Variants in ONECUT2 observed in about 807,000 individuals in gnomAD.
The protein encoded by ONECUT2 is one cut homeobox 2, also known as one cut domain family member 2.
Under a neutral mutation model 27.9 loss-of-function variants are expected in ONECUT2, and 10 were observed. The ratio of observed to expected loss-of-function variants is 0.36; its 90% CI spans 0.22 to 0.61. The LOEUF (loss-of-function observed/expected upper bound fraction) is 0.61, where lower values mean the gene tolerates loss of function less well. Ranked by LOEUF, ONECUT2 falls within the 20% of genes least tolerant of loss-of-function variation. The probability of loss-of-function intolerance (pLI) is 0.73; values close to 1 mark genes in which losing one functional copy is unlikely to be tolerated. For synonymous variants in ONECUT2, 334 were observed against 315.1 expected, an observed-to-expected ratio of 1.06 and a Z score of -0.64; for missense variants, 686 against 721.0, an observed-to-expected ratio of 0.95 and a Z score of 0.56.
chr18:57,440,027 G>A (rs1052280420), intron 1 of ONECUT2, among the ~76,000 whole-genome samples: 1 of 152,248 alleles, frequency 6.6e-6, no homozygotes, highest in Non-Finnish European at 1.5e-5. Flanking sequence ...GCCAAGGGTG[G>A]CACTTGAAAG....
intron 1 of ONECUT2, among the ~76,000 whole-genome samples, chr18:57,470,308 C>G (rs1464472125): frequency 6.6e-6 from 1 of 152,162 alleles, no homozygotes. Flanking sequence ...TTGAGTTGCT[C>G]TTACTTCACA....
intron 1 of ONECUT2, among the ~76,000 whole-genome samples, chr18:57,438,485 C>A (rs141482891): frequency 3.8e-4 from 58 of 152,332 alleles, no homozygotes; most frequent in African/African-American, 1.3e-3. Context: ...TTCCTCGCAC[C>A]GCTGAGCCCA....
intron 1 of ONECUT2, among the ~76,000 whole-genome samples, chr18:57,440,798 C>A (rs1292784086): frequency 6.6e-6 from 1 of 152,228 alleles, no homozygotes; most frequent in African/African-American, 2.4e-5. Context: ...CGCGCCCACC[C>A]CCCAACCTCC....
In ONECUT2 at chr18:57,487,875, T is replaced by C. The variant is rs1401700003; in HGVS notation, c.*11152T>C. 1.3e-5 allele frequency: 2 copies of C among 152,224 alleles called. No individual in the cohort carries two copies. Among genetic ancestry groups the C allele is most frequent in the Admixed American group, 6.5e-5 (1 of 15,282 alleles). The allele number at this position is 152,224 out of a possible 1,614,324, so 9.4% of individuals were successfully genotyped here. Reference sequence around the variant, plus strand: ...TGCAGGGGATTGGGCAAACTTGTTCTTTCTTATACTTGGGTTCAAAGACCC... The same window carrying C: ...TGCAGGGGATTGGGCAAACTTGTTCCTTCTTATACTTGGGTTCAAAGACCC... On this transcript the variant is annotated 3_prime_UTR_variant, in exon 2 of 2. Transcript: ENST00000491143.
chr18:57,459,176 G>C (rs1381611323), intron 1 of ONECUT2, among the ~76,000 whole-genome samples: 1 of 152,186 alleles, frequency 6.6e-6, no homozygotes, highest in Non-Finnish European at 1.5e-5. Flanking sequence ...TCTATATGTT[G>C]CCTTCAGGAA....
intron 1 of ONECUT2, among the ~76,000 whole-genome samples, chr18:57,474,674 C>T (rs935951856): frequency 6.6e-6 from 1 of 152,154 alleles, no homozygotes; most frequent in Non-Finnish European, 1.5e-5. Flanking sequence ...GTACCATCAC[C>T]TTGGATGTTA....
chr18:57,437,954 G>A (rs2050152367), intron 1 of ONECUT2, among the ~76,000 whole-genome samples: 1 of 152,264 alleles, frequency 6.6e-6, no homozygotes, highest in African/African-American at 2.4e-5. Context: ...AGGACTGGCG[G>A]CCCGCGGGAG....
At chr18:57,440,083 G>T (rs2050166119) in intron 1 of ONECUT2, among the ~76,000 whole-genome samples, 1 of 152,252 alleles carries the variant, frequency 6.6e-6, no homozygotes, top group Non-Finnish European at 1.5e-5. Flanking sequence ...CCCAACGTTA[G>T]ATTTCAGAGA....
intron 1 of ONECUT2, among the ~76,000 whole-genome samples, chr18:57,470,272 G>A (rs642769): frequency 0.65 from 98,138 of 151,908 alleles, 33,487 homozygotes; most frequent in Middle Eastern, 0.8. Context: ...CTGGGGCAGC[G>A]AGGACTGGAA....
At chr18:57,471,124 C>T (rs541003349) in intron 1 of ONECUT2, among the ~76,000 whole-genome samples, 1 of 152,338 alleles carries the variant, frequency 6.6e-6, no homozygotes, top group East Asian at 1.9e-4. Flanking sequence ...CAATCCCTCA[C>T]CCTGTCCCGC....
At chr18:57,441,972 T>G (rs1174847444) in intron 1 of ONECUT2, among the ~76,000 whole-genome samples, 1 of 139,612 alleles carries the variant, frequency 7.2e-6, no homozygotes, top group African/African-American at 2.7e-5. Flanking sequence ...GCCCCACCCC[T>G]TCCCACCCCC....
intron 1 of ONECUT2, among the ~76,000 whole-genome samples, chr18:57,474,651 G>A (rs568079432): frequency 3.9e-5 from 6 of 152,080 alleles, no homozygotes; most frequent in Non-Finnish European, 5.9e-5. Flanking sequence ...CCTCCCAAAG[G>A]CCCCACCTCT....
At position 57,436,690 on chromosome 18, in the gene ONECUT2, C is replaced by G; in HGVS notation, c.974C>G (p.Ala325Gly). The G allele has an allele frequency of 6.2e-7, 1 of 1,613,416 alleles. No homozygotes were observed. Among genetic ancestry groups the G allele is most frequent in the Non-Finnish European group, 8.5e-7 (1 of 1,179,994 alleles). ...PPSSSSGSQV[A>G]TSGQLEEINT... ...TCGTCCTCATCGGGCTCGCAGGTGG[C>G]CACGTCGGGCCAGCTGGAAGAAATC... The change falls in exon 1 of 2, where the codon GCC becomes GGC. Residue 325 changes from alanine (A) to glycine (G), a missense_variant. Coordinates refer to ENST00000491143, the MANE Select transcript of ONECUT2 (RefSeq NM_004852.3). This position sits in a 1 kb window ranked among gnomAD's most constrained non-coding sequence, Gnocchi z 5.9.
At chr18:57,438,194 C>A (rs916377415) in intron 1 of ONECUT2, among the ~76,000 whole-genome samples, 4 of 152,252 alleles carry the variant, frequency 2.6e-5, no homozygotes, top group Non-Finnish European at 4.4e-5. Flanking sequence ...GTGGCGACTG[C>A]GCTGCCCCTA....
chr18:57,465,581 T>C (rs2050317085), intron 1 of ONECUT2, among the ~76,000 whole-genome samples: 1 of 152,280 alleles, frequency 6.6e-6, no homozygotes, highest in African/African-American at 2.4e-5. Context: ...CATATTGTTA[T>C]ATCAAATGAT....
At chr18:57,451,598 C>T (rs893678291) in intron 1 of ONECUT2, among the ~76,000 whole-genome samples, 1 of 152,202 alleles carries the variant, frequency 6.6e-6, no homozygotes, top group East Asian at 1.9e-4. Flanking sequence ...ATATCGCTAG[C>T]CCCACTCCTC....
rs2050396917 is a variant in ONECUT2, at chr18:57,478,339, C to T, written c.*1616C>T. 1 of 152,638 alleles carries T rather than the reference C, an allele frequency of 6.6e-6. No homozygotes were observed. Among genetic ancestry groups the T allele is most frequent in the Admixed American group, 6.5e-5 (1 of 15,292 alleles). 9.5% of individuals were successfully genotyped at this position (152,638 alleles called of 1,614,324 possible). On this transcript the variant is annotated 3_prime_UTR_variant, in exon 2 of 2. Coordinates refer to ENST00000491143, the MANE Select transcript of ONECUT2 (RefSeq NM_004852.3). ...GGTGTTCAAAGCAAGCCAAACGCTG[C>T]AATCATTCTTTACAGACACTTGAGA...
intron 1 of ONECUT2, chr18:57,444,338 CT>C (rs1440901676): frequency 2.2e-6 from 1 of 456,442 alleles, no homozygotes; most frequent in African/African-American, 2.0e-5. Flanking sequence ...CATTGACATC[CT>C]TGAAGGAACC....
chr18:57,476,562 T>C lies in ONECUT2; in HGVS notation c.1354T>C (p.Ser452Pro). 1 of 1,614,168 alleles carries C rather than the reference T, an allele frequency of 6.2e-7. No homozygotes were observed. The highest frequency in any genetic ancestry group is 1.1e-5 in the South Asian group (1 of 91,084). ...FAIFKENKRP[S>P]KEMQITISQQ... ...CATCTTCAAGGAGAACAAACGCCCG[T>C]CAAAGGAGATGCAGATCACCATTTC... The change falls in exon 2 of 2, where the codon TCA (serine) becomes CCA (proline). Residue 452 changes from serine (S) to proline (P), a missense_variant. This residue lies in a region of ONECUT2 where 77 missense variants were observed against 105.5 expected (regional missense o/e 0.73). Coordinates refer to ENST00000491143, the MANE Select transcript of ONECUT2 (RefSeq NM_004852.3).
Sources: allele counts gnomAD v4.1 joint callset (sites outside exome capture counted in the v4.1 genomes callset), GRCh38; gene constraint gnomAD v4.1.1; regional missense constraint gnomAD v4.1.1; non-coding constraint Gnocchi (gnomAD v3.1); transcripts MANE v1.5; gene names NCBI Gene and HGNC (gene_info 2026-07-23, HGNC 2026-07-21).